The following TMLHE variants were observed in gnomAD, a reference collection of about 807,000 sequenced individuals.
TMLHE encodes trimethyllysine hydroxylase, epsilon.
A neutral mutation model predicts 25.7 loss-of-function variants in TMLHE; 18 were observed. The ratio of observed to expected loss-of-function variants is 0.70; its 90% CI spans 0.48 to 1.04. The LOEUF (loss-of-function observed/expected upper bound fraction) is 1.04, where lower values mean the gene tolerates loss of function less well. Ranked by LOEUF, TMLHE falls within the 50% of genes least tolerant of loss-of-function variation. TMLHE has a pLI of 0.00. For synonymous variants in TMLHE, 105 were observed against 97.0 expected, an observed-to-expected ratio of 1.08 and a Z score of -0.49; for missense variants, 236 against 259.0, an observed-to-expected ratio of 0.91 and a Z score of 0.61.
chrX:155,581,997 C>T (rs781985310), intron 1 of TMLHE, among the ~76,000 whole-genome samples: 1 of 111,706 alleles, frequency 9.0e-6, no homozygotes, highest in African/African-American at 3.3e-5. Flanking sequence ...GGGAACAGAA[C>T]AGAGCCCTCA....
chrX:155,506,883 TTC>T lies in TMLHE; in HGVS notation c.995+13_995+14del, dbSNP rs782527501. On this transcript the variant is annotated intron_variant, in intron 6 of 7. Coordinates refer to ENST00000334398, the MANE Select transcript of TMLHE (RefSeq NM_018196.4). ...GCAAATATATTACAGTTGGGGATAG[TTC>T]TTTGATACTCACCTGATCAAATACA... 8 of 1,184,022 alleles carry T rather than the reference TTC, an allele frequency of 6.8e-6. No homozygotes were observed. The highest frequency in any genetic ancestry group is 9.2e-6 in the Non-Finnish European group (8 of 870,729).
intron 2 of TMLHE, 98 bp downstream of exon 2, chrX:155,544,998 C>T (rs1436634052): frequency 2.1e-6 from 2 of 958,483 alleles, no homozygotes; most frequent in African/African-American, 2.0e-5. Context: ...TGTTTTCTTA[C>T]CACGATTTTA....
chrX:155,584,404 T>C (rs961212329), intron 1 of TMLHE, among the ~76,000 whole-genome samples: 20 of 111,184 alleles, frequency 1.8e-4, no homozygotes, highest in African/African-American at 5.2e-4. Flanking sequence ...TTATCAGTGT[T>C]CTCAAGGCTG....
chrX:155,548,739 A>AG (rs1326935122), intron 1 of TMLHE, among the ~76,000 whole-genome samples: 1 of 110,047 alleles, frequency 9.1e-6, no homozygotes, highest in African/African-American at 3.4e-5. Flanking sequence ...TGTCTCAAAA[A>AG]AAAAAAAGAC....
At chrX:155,578,514 C>T (rs1557344100) in intron 1 of TMLHE, among the ~76,000 whole-genome samples, 1 of 111,951 alleles carries the variant, frequency 8.9e-6, no homozygotes, top group Non-Finnish European at 1.9e-5. Context: ...CACATATCAC[C>T]TGTGTGCCAG....
At chrX:155,548,567 CTACTAAAAAA>C (rs1206689254) in intron 1 of TMLHE, among the ~76,000 whole-genome samples, 1 of 106,998 alleles carries the variant, frequency 9.3e-6, no homozygotes, top group Non-Finnish European at 1.9e-5. Context: ...AACCCTGTCT[CTACTAAAAAA>C]TACAAAAATT....
At chrX:155,532,725 G>T (rs2067256729) in intron 2 of TMLHE, among the ~76,000 whole-genome samples, 1 of 102,650 alleles carries the variant, frequency 9.7e-6, no homozygotes. Context: ...AATTTCTATG[G>T]GGTCTATAAC....
At chrX:155,504,573 A>G (rs1404569507) in intron 6 of TMLHE, among the ~76,000 whole-genome samples, 1 of 110,815 alleles carries the variant, frequency 9.0e-6, no homozygotes, top group Non-Finnish European at 1.9e-5. Context: ...CAATTCATAC[A>G]TTGTTGATGA....
At chrX:155,597,583 C>T (rs782159916) in intron 1 of TMLHE, among the ~76,000 whole-genome samples, 16 of 111,674 alleles carry the variant, frequency 1.4e-4, no homozygotes, top group African/African-American at 3.9e-4. Flanking sequence ...ATAGCAAGGA[C>T]GTGGAACCAG....
At chrX:155,512,518 A>G (rs900296089) in intron 4 of TMLHE, among the ~76,000 whole-genome samples, 3 of 110,607 alleles carry the variant, frequency 2.7e-5, no homozygotes, top group Non-Finnish European at 5.7e-5. Context: ...TTATGGCTGC[A>G]TAGTATTCCA....
chrX:155,528,303 G>A (rs2067230839), intron 2 of TMLHE, among the ~76,000 whole-genome samples: 1 of 91,113 alleles, frequency 1.1e-5, no homozygotes, highest in Non-Finnish European at 2.2e-5. Flanking sequence ...TTTTTCTCTT[G>A]TACTTTATTT....
rs782639569 is a variant in TMLHE, at chrX:155,548,463, C to T, written c.-1-3186G>A. On this transcript the variant is annotated intron_variant, in intron 1 of 7. Transcript: ENST00000334398. ...TTAAAGACATCCTACAGGCTGGGCACGGTGGCTCATGCCTGAAATCCCAGC... is the reference window on the plus strand; with the variant it reads ...TTAAAGACATCCTACAGGCTGGGCATGGTGGCTCATGCCTGAAATCCCAGC... Among the ~76,000 whole-genome samples the T allele has an allele frequency of 2.3e-3, 247 of 108,974 alleles. 2 individuals are homozygous for T. The highest frequency in any genetic ancestry group is 4.6e-3 in the Middle Eastern group (1 of 217). The allele number at this position is 108,974 out of a possible 115,157, so 94.6% of individuals were successfully genotyped here. A position where few individuals can be genotyped will look rare whatever the true frequency, so the allele number is the denominator to read the frequency against.
intron 4 of TMLHE, among the ~76,000 whole-genome samples, chrX:155,512,082 C>T (rs2067117173): frequency 9.0e-6 from 1 of 111,655 alleles, no homozygotes; most frequent in African/African-American, 3.3e-5. Context: ...TCATAGCCTT[C>T]ATAAATTCAA....
At chrX:155,541,292 G>A (rs377435472) in intron 2 of TMLHE, among the ~76,000 whole-genome samples, 2 of 111,009 alleles carry the variant, frequency 1.8e-5, no homozygotes, top group African/African-American at 6.5e-5. Flanking sequence ...GAGAACATGC[G>A]ATGTTTGGTT....
chrX:155,582,714 A>G (rs1285850133), intron 1 of TMLHE, among the ~76,000 whole-genome samples: 1 of 112,174 alleles, frequency 8.9e-6, no homozygotes, highest in African/African-American at 3.2e-5. Context: ...ACAGTTTTAC[A>G]TTGTTGGTGG....
rs781793283 is a variant in TMLHE at position 155,557,656 on chromosome X, AAAATATTCCTATCCTCATG to A, written c.-1-12398_-1-12380del. On this transcript the variant is annotated intron_variant, in intron 1 of 7. Coordinates refer to ENST00000334398, the MANE Select transcript of TMLHE (RefSeq NM_018196.4). ...GGTGCTGAAAATATATCAGCAACCA[AAAATATTCCTATCCTCATG>A]AAGCACCTTTTAATGACATCCTGAT... is the stretch of plus-strand genomic sequence containing the variant. Among the ~76,000 whole-genome samples, 23 of 111,294 alleles carry A rather than the reference AAAATATTCCTATCCTCATG, an allele frequency of 2.1e-4. No individual in the cohort carries two copies. In the South Asian group the frequency reaches 6.1e-3, roughly 30 times the overall value.
chrX:155,592,783 G>A (rs187903931), intron 1 of TMLHE, among the ~76,000 whole-genome samples: 31 of 112,304 alleles, frequency 2.8e-4, no homozygotes, highest in South Asian at 7.4e-4. Context: ...TAGCAGTGGT[G>A]CCCTGTCAGA....
chrX:155,580,831 G>A (rs1169796048), intron 1 of TMLHE, among the ~76,000 whole-genome samples: 7 of 111,569 alleles, frequency 6.3e-5, no homozygotes, highest in African/African-American at 2.3e-4. Context: ...TATGAGGCAA[G>A]CATCATCCTG....
At chrX:155,555,546 CCTGA>C (rs2067446240) in intron 1 of TMLHE, among the ~76,000 whole-genome samples, 1 of 110,675 alleles carries the variant, frequency 9.0e-6, no homozygotes, top group Non-Finnish European at 1.9e-5. Context: ...CCTGTTGTTT[CCTGA>C]CTTTTTAATG....
Sources: allele counts gnomAD v4.1 joint callset (sites outside exome capture counted in the v4.1 genomes callset), GRCh38; gene constraint gnomAD v4.1.1; transcripts MANE v1.5; gene names NCBI Gene and HGNC (gene_info 2026-07-23, HGNC 2026-07-21).